MSH6: variants seen among roughly 807,000 people sequenced by gnomAD.
MSH6 encodes the protein mutS homolog 6.
MSH6 carries 85 observed loss-of-function variants against 119.1 expected under a neutral mutation model. That is an observed-to-expected ratio of 0.71 (90% confidence interval 0.60 to 0.85). The LOEUF (loss-of-function observed/expected upper bound fraction) is 0.85. Among genes scored for constraint, MSH6 ranks in the 40% least tolerant of loss-of-function variants. The probability of loss-of-function intolerance (pLI) is 0.00; values close to 1 mark genes in which losing one functional copy is unlikely to be tolerated. For missense variants in MSH6, 2,163 were observed against 1,655.3 expected (o/e 1.31, Z -5.32); for synonymous variants, 830 against 586.9 (o/e 1.41, Z -5.99).
At chr2:47,807,189 A>AATT (rs1670271756), downstream of MSH6, 1 of 271,992 alleles carries the variant, frequency 3.7e-6, no homozygotes, top group African/African-American at 2.2e-5. Flanking sequence ...AAATTGGTTT[A>AATT]ATTTCCAGCA....
rs1572697725 is a variant in MSH6 at position 47,783,244 on chromosome 2, A to G, written c.11A>G (p.Gln4Arg). The change falls in exon 1 of 10, where the codon CAG (glutamine) becomes CGG (arginine). Residue 4 changes from glutamine to arginine, a missense_variant. By Grantham distance (43) the Gln-to-Arg change is conservative. Transcript: ENST00000234420. MSRQSTLYSFFPKS... is the reference protein window; with the variant it reads MSRRSTLYSFFPKS... ...TTGCCGGCTGTCGGTATGTCGCGAC[A>G]GAGCACCCTGTACAGCTTCTTCCCC... 3.1e-6 allele frequency: 5 copies of G among 1,611,486 alleles called. No individual in the cohort carries two copies. The African/African-American group carries it at 4.0e-5, about 13-fold the overall frequency.
chr2:47,787,850 C>T (rs766031151), intron 1 of MSH6, among the ~76,000 whole-genome samples: 3 of 152,216 alleles, frequency 2.0e-5, no homozygotes, highest in East Asian at 1.9e-4. Context: ...AATTCCTGGG[C>T]TCTTAAGAGA....
In MSH6 at chr2:47,783,363, C is replaced by T. The variant is rs1558645097; in HGVS notation, c.130C>T (p.Pro44Ser). The T allele has an allele frequency of 1.2e-6, 2 of 1,605,298 alleles. No homozygotes were observed. The highest frequency in any genetic ancestry group is 1.7e-6 in the Non-Finnish European group (2 of 1,176,340). The stretch of plus-strand genomic sequence containing the variant: ...CGCTGCCCCCGGGGCCTCTCCTTCC[C>T]CAGGCGGGGATGCGGCCTGGAGCGA... The part of the protein sequence containing the change: ...AAAAPGASPS[P>S]GGDAAWSEAG... Residue 44 changes from proline to serine, a missense_variant, in exon 1 of 10, where the codon CCA becomes TCA. Coordinates refer to ENST00000234420, the MANE Select transcript of MSH6 (RefSeq NM_000179.3).
At chr2:47,805,531 C>A in intron 6 of MSH6, 87 bp from the exon 7 acceptor site, 1 of 899,360 alleles carries the variant, frequency 1.1e-6, no homozygotes, top group Non-Finnish European at 1.9e-6. Context: ...ATATGTGTAG[C>A]TCATGATAGC....
chr2:47,809,168 C>T, downstream of MSH6: 1 of 1,570,794 alleles, frequency 6.4e-7, no homozygotes, highest in Non-Finnish European at 8.7e-7. Context: ...CTGTAGAAAT[C>T]ATGCATGGGA....
chr2:47,806,691 T>TTAAG lies in MSH6; in HGVS notation c.4001+42_4001+45dup, dbSNP rs587779304. 228 of 1,591,350 alleles carry TTAAG rather than the reference T, an allele frequency of 1.4e-4. No individual in the cohort carries two copies. Among genetic ancestry groups the TTAAG allele is most frequent in the Middle Eastern group, 3.3e-4 (2 of 6,030 alleles). On this transcript the variant is annotated intron_variant, in intron 9 of 9. Coordinates refer to ENST00000234420, the MANE Select transcript of MSH6 (RefSeq NM_000179.3). ...ATAATGGAATTATAACTAACTGACC[T>TTAAG]TAAGTTTCAAAGAAACAGTAAAAGG... is the stretch of plus-strand genomic sequence containing the variant.
At position 47,800,449 on chromosome 2, in the gene MSH6, C is replaced by A. The variant is rs1558665545; in HGVS notation, c.2466C>A (p.Leu822=). Residue 822 remains leucine, a synonymous_variant, in exon 4 of 10, where the codon CTC becomes CTA. Transcript: ENST00000234420. ...AGCTTCCAGATCTTGAGAGGCTACT[C>A]AGTAAAATTCATAATGTTGGGTCTC... ...LKKLPDLERL[L]SKIHNVGSPL... The A allele has an allele frequency of 6.2e-7, 1 of 1,613,802 alleles. No individual in the cohort carries two copies. The highest frequency in any genetic ancestry group is 8.5e-7 in the Non-Finnish European group (1 of 1,179,986).
At chr2:47,794,262 C>T (rs1007981289) in intron 2 of MSH6, among the ~76,000 whole-genome samples, 6 of 151,740 alleles carry the variant, frequency 4.0e-5, no homozygotes, top group African/African-American at 7.2e-5. Flanking sequence ...TGCTTGAACC[C>T]GGGAGTCAGT....
In MSH6 at chr2:47,786,719, CT is replaced by C. The variant is rs149544395; in HGVS notation, c.260+3236del. On this transcript the variant is annotated intron_variant, in intron 1 of 9. Coordinates refer to ENST00000234420, the MANE Select transcript of MSH6 (RefSeq NM_000179.3). The stretch of plus-strand genomic sequence containing the variant: ...CTGAAGTGTTTGTCTTTTGCTGTTT[CT>C]TTTTTTTTTCCTAGTTCTTTGTCAT... Among the ~76,000 whole-genome samples, 326 of 150,068 alleles carry C rather than the reference CT, an allele frequency of 2.2e-3. 1 individual carries two copies. Among genetic ancestry groups the C allele is most frequent in the African/African-American group, 7.4e-3 (302 of 40,958 alleles).
In MSH6 at chr2:47,798,961, A is replaced by T. The variant is rs747207959; in HGVS notation, c.978A>T (p.Ala326=). 1 of 1,614,220 alleles carries T rather than the reference A, an allele frequency of 6.2e-7. No homozygotes were observed. The change falls in exon 4 of 10, where the codon GCA becomes GCT. Residue 326 remains alanine (A), a synonymous_variant. Transcript: ENST00000234420. ...RKETPSATKQ[A]TSISSETKNT... ...AAACGCCCTCAGCCACCAAACAAGCAACTAGCATTTCATCAGAAACCAAGA... is the reference window on the plus strand; with the variant it reads ...AAACGCCCTCAGCCACCAAACAAGCTACTAGCATTTCATCAGAAACCAAGA...
Position 47,800,124 on chromosome 2 carries a change from C to T in MSH6, c.2141C>T (p.Ser714Phe), listed in dbSNP as rs730881796. Residue 714 changes from serine (S) to phenylalanine (F), a missense_variant, in exon 4 of 10, where the codon TCT becomes TTT. Ser to Phe is a radical substitution (Grantham distance 155, BLOSUM62 -2). Transcript: ENST00000234420. ...ANFEEYIPLD[S>F]DTVSTTRSGA... ...TTTGAAGAATATATTCCCTTGGATT[C>T]TGACACAGTCAGCACTACAAGATCT... The T allele has an allele frequency of 8.7e-6, 14 of 1,614,180 alleles. No individual in the cohort carries two copies. Among genetic ancestry groups the T allele is most frequent in the African/African-American group, 1.3e-5 (1 of 75,044 alleles).
At chr2:47,792,077 C>G (rs1668763040) in intron 2 of MSH6, among the ~76,000 whole-genome samples, 1 of 152,106 alleles carries the variant, frequency 6.6e-6, no homozygotes, top group Non-Finnish European at 1.5e-5. Flanking sequence ...AACTGCTGAC[C>G]TCCAGTAATC....
At chr2:47,807,797 T>C (rs1036590424), downstream of MSH6, 3 of 268,938 alleles carry the variant, frequency 1.1e-5, no homozygotes, top group African/African-American at 4.3e-5. Context: ...CTACTGCAAA[T>C]TGGACTGCAT....
At position 47,799,681 on chromosome 2, in the gene MSH6, A is replaced by C. The variant is rs764818222; in HGVS notation, c.1698A>C (p.Gly566=). 38 of 1,614,070 alleles carry C rather than the reference A, an allele frequency of 2.4e-5. No individual in the cohort carries two copies. The highest frequency in any genetic ancestry group is 1.2e-4 in the South Asian group (11 of 91,086). Residue 566 remains glycine (G), a synonymous_variant, in exon 4 of 10, where the codon GGA becomes GGC. Transcript: ENST00000234420. ...TGTGCTTTGTTGATACTTCACTGGG[A>C]AAGTTTTTCATAGGTCAGTTTTCAG... ...YGVCFVDTSL[G]KFFIGQFSDD... is the part of the protein sequence containing the mutation.
intron 2 of MSH6, 144 bp from the exon 3 acceptor site, chr2:47,795,750 C>T (rs923739397): frequency 4.3e-5 from 31 of 723,104 alleles, no homozygotes; most frequent in Admixed American, 1.1e-4. Context: ...GGATTACAGG[C>T]GTGAGCCACC....
chr2:47,790,834 C>T (rs1668677107), intron 1 of MSH6, 93 bp from the exon 2 acceptor site: 1 of 1,131,692 alleles, frequency 8.8e-7, no homozygotes, highest in East Asian at 2.4e-5. Flanking sequence ...AATATTAATG[C>T]CAGAAGACTT....
intron 7 of MSH6, among the ~76,000 whole-genome samples, chr2:47,805,930 A>C (rs564720647): frequency 6.6e-6 from 1 of 152,200 alleles, no homozygotes; most frequent in Non-Finnish European, 1.5e-5. Flanking sequence ...TTTAGTTGTA[A>C]TAAAACATTT....
chr2:47,783,721 C>T, intron 1 of MSH6: 2 of 496,432 alleles, frequency 4.0e-6, no homozygotes, highest in South Asian at 1.1e-4. Context: ...AGGAAGAGGG[C>T]TGCAGGGGAG....
At chr2:47,805,551 T>C in intron 6 of MSH6, 67 bp from the exon 7 acceptor site, 1 of 1,047,850 alleles carries the variant, frequency 9.5e-7, no homozygotes, top group African/African-American at 1.6e-5. Flanking sequence ...CTATATAACC[T>C]AGAAGATGAA....
Sources: gnomAD v4.1 joint callset for allele counts (sites outside exome capture counted in the v4.1 genomes callset) on GRCh38, gnomAD v4.1.1 for gene constraint, MANE v1.5 for transcripts, NCBI Gene and HGNC (gene_info 2026-07-23, HGNC 2026-07-21) for gene names.